The following ATP5MK variants were observed in gnomAD, a reference collection of about 807,000 sequenced individuals.
ATP5MK encodes the protein ATP synthase F(0) complex subunit k, mitochondrial.
Under a neutral mutation model 6.6 loss-of-function variants are expected in ATP5MK, and 5 were observed. The observed-to-expected ratio is 0.76, with a 90% CI of 0.40 to 1.60. The LOEUF (loss-of-function observed/expected upper bound fraction) is 1.60. Among genes scored for constraint, ATP5MK ranks in the 40% most tolerant of loss-of-function variants. The pLI is 0.02. For missense variants in ATP5MK, 57 were observed against 66.6 expected (o/e 0.86, Z 0.50); for synonymous variants, 30 against 24.5 (o/e 1.22, Z -0.66).
intron 4 of ATP5MK, 122 bp from the exon 5 acceptor site, chr10:103,389,288 A>ATG (rs1469504371): frequency 2.0e-5 from 3 of 152,242 alleles, no homozygotes; most frequent in Admixed American, 1.3e-4. Context: ...ATTGTCAAAG[A>ATG]TGTAACACCA....
At chr10:103,390,174 T>C (rs150757196) in intron 4 of ATP5MK, among the ~76,000 whole-genome samples, 77 of 152,298 alleles carry the variant, frequency 5.1e-4, no homozygotes, top group African/African-American at 1.8e-3. Context: ...TAAGGTCAAC[T>C]GTTTTGAGAT....
At position 103,396,007 on chromosome 10, in the gene ATP5MK, A is replaced by C. The variant is rs1354390909; in HGVS notation, c.-271T>G. On this transcript the variant is annotated 5_prime_UTR_variant, in exon 2 of 5. Transcript: ENST00000369815. ...GGAGGCCCGGCTGGCCAGCTTCCTA[A>C]AGCACAGCTCGGTGGGAACAAACAG... 1 of 152,242 alleles carries C rather than the reference A, an allele frequency of 6.6e-6. No homozygotes were observed. The highest frequency in any genetic ancestry group is 2.4e-5 in the African/African-American group (1 of 41,452). The allele number at this position is 152,242 out of a possible 1,614,324, so 9.4% of individuals were successfully genotyped here.
intron 4 of ATP5MK, among the ~76,000 whole-genome samples, chr10:103,390,790 C>T (rs1233704642): frequency 4.3e-5 from 6 of 140,598 alleles, no homozygotes; most frequent in Non-Finnish European, 9.3e-5. Context: ...AACTCCATCT[C>T]AAAAAAAAAA....
At chr10:103,391,064 A>G (rs2133645138) in intron 4 of ATP5MK, among the ~76,000 whole-genome samples, 1 of 152,370 alleles carries the variant, frequency 6.6e-6, no homozygotes, top group South Asian at 2.1e-4. Context: ...GATAAATAAA[A>G]ACATGTATAG....
At chr10:103,394,070 A>G (rs2093422658) in intron 2 of ATP5MK, 2 of 237,146 alleles carry the variant, frequency 8.4e-6, no homozygotes, top group African/African-American at 4.5e-5. Flanking sequence ...TATTTTAATA[A>G]GGCTTCTAGA....
At chr10:103,392,601 C>T (rs1425453355) in intron 2 of ATP5MK, 135 bp from the exon 3 acceptor site, 3 of 630,298 alleles carry the variant, frequency 4.8e-6, no homozygotes, top group Non-Finnish European at 8.0e-6. Context: ...TATATCTCAC[C>T]CAACACAGTA....
chr10:103,394,524 CT>C (rs1824167525), intron 2 of ATP5MK: 1 of 352,936 alleles, frequency 2.8e-6, no homozygotes, highest in African/African-American at 2.1e-5. Context: ...GAAAAATGAC[CT>C]TAATTTTCAA....
chr10:103,393,156 AC>A (rs1452758623), intron 2 of ATP5MK, among the ~76,000 whole-genome samples: 1 of 152,206 alleles, frequency 6.6e-6, no homozygotes, highest in East Asian at 1.9e-4. Context: ...AAAACATAAA[AC>A]CTATTAGTCA....
At position 103,390,229 on chromosome 10, in the gene ATP5MK, T is replaced by G. The variant is rs1240876566; in HGVS notation, c.*4-1063A>C. Among the ~76,000 whole-genome samples the G allele has an allele frequency of 2.0e-5, 3 of 152,028 alleles. No homozygotes were observed. In the East Asian group the frequency reaches 5.9e-4, roughly 30 times the overall value. On this transcript the variant is annotated intron_variant, in intron 4 of 4. Coordinates refer to ENST00000369815, the MANE Select transcript of ATP5MK (RefSeq NM_001206427.2). ...AGAAGAGGCCAGGCACAGTGGCTCA[T>G]GCCTGTAATCCCAGCACTTTGGGAG... is the stretch of plus-strand genomic sequence containing the variant.
intron 2 of ATP5MK, among the ~76,000 whole-genome samples, chr10:103,392,899 AC>A (rs769434416): frequency 1.3e-5 from 2 of 152,212 alleles, no homozygotes; most frequent in African/African-American, 4.8e-5. Context: ...CCCTACTTAT[AC>A]AATTTTTCTT....
intron 4 of ATP5MK, among the ~76,000 whole-genome samples, chr10:103,390,358 G>C (rs2093410673): frequency 6.6e-6 from 1 of 152,100 alleles, no homozygotes; most frequent in African/African-American, 2.4e-5. Flanking sequence ...ACTGGGTGTG[G>C]TGGCATGCAC....
rs751910844 is a variant in ATP5MK, at chr10:103,392,398, G to A, written c.60C>T (p.Asn20=). 6 of 1,607,994 alleles carry A rather than the reference G, an allele frequency of 3.7e-6. No homozygotes were observed. The South Asian group carries it at 5.6e-5, about 15-fold the overall frequency. ...YQFTGIKKYF[N]SYTLTGRMNC... is the part of the protein sequence containing the mutation. Reference sequence around the variant, plus strand: ...TCATTCTACCTGTGAGAGTATAAGAGTTGAAATATTTTTTAATACCAGTGA... The same window carrying A: ...TCATTCTACCTGTGAGAGTATAAGAATTGAAATATTTTTTAATACCAGTGA... The change falls in exon 3 of 5, where the codon AAC becomes AAT. Residue 20 remains asparagine, a synonymous_variant. Coordinates refer to ENST00000369815, the MANE Select transcript of ATP5MK (RefSeq NM_001206427.2).
chr10:103,389,569 C>T lies in ATP5MK; in HGVS notation c.*4-403G>A, dbSNP rs572892552. Reference sequence around the variant, plus strand: ...AACTCCTGACCTCAAGTGATCCACCCGCCTCAGCCTCCCAAAGTACTGGGA... The same window carrying T: ...AACTCCTGACCTCAAGTGATCCACCTGCCTCAGCCTCCCAAAGTACTGGGA... On this transcript the variant is annotated intron_variant, in intron 4 of 4. Transcript: ENST00000369815. Among the ~76,000 whole-genome samples, 9 of 151,842 alleles carry T rather than the reference C, an allele frequency of 5.9e-5. No individual in the cohort carries two copies. In the South Asian group the frequency reaches 8.3e-4, roughly 14 times the overall value.
intron 4 of ATP5MK, among the ~76,000 whole-genome samples, chr10:103,391,427 C>T (rs2093414093): frequency 6.6e-6 from 1 of 152,138 alleles, no homozygotes; most frequent in South Asian, 2.1e-4. Context: ...GACAAAATTA[C>T]AGACGTGATC....
intron 4 of ATP5MK, among the ~76,000 whole-genome samples, chr10:103,390,239 C>T (rs2093410217): frequency 1.3e-5 from 2 of 152,150 alleles, no homozygotes; most frequent in Admixed American, 1.3e-4. Flanking sequence ...TGCCTGTAAT[C>T]CCAGCACTTT....
intron 4 of ATP5MK, among the ~76,000 whole-genome samples, chr10:103,390,403 A>G (rs1300860889): frequency 6.6e-6 from 1 of 151,920 alleles, no homozygotes; most frequent in Non-Finnish European, 1.5e-5. Flanking sequence ...CTGAGGCGGG[A>G]GGGTCACTTG....
At chr10:103,393,985 T>TAA (rs2093422425) in intron 2 of ATP5MK, among the ~76,000 whole-genome samples, 1 of 152,210 alleles carries the variant, frequency 6.6e-6, no homozygotes. Context: ...CCAGCAGCAT[T>TAA]AGCATCACTG....
rs948628363 is a variant in ATP5MK at position 103,395,988 on chromosome 10, C to T, written c.-252G>A. 2 of 152,256 alleles carry T rather than the reference C, an allele frequency of 1.3e-5. No homozygotes were observed. Among genetic ancestry groups the T allele is most frequent in the Non-Finnish European group, 2.9e-5 (2 of 68,072 alleles). 9.4% of individuals were successfully genotyped at this position (152,256 alleles called of 1,614,324 possible). A position where few individuals can be genotyped will look rare whatever the true frequency, so the allele number is the denominator to read the frequency against. ...AGGCTGCAGCGCACCTAAAGGAGGC[C>T]CGGCTGGCCAGCTTCCTAAAGCACA... On this transcript the variant is annotated 5_prime_UTR_variant, in exon 2 of 5. Transcript: ENST00000369815.
At chr10:103,390,518 G>T (rs2093411245) in intron 4 of ATP5MK, among the ~76,000 whole-genome samples, 1 of 151,626 alleles carries the variant, frequency 6.6e-6, no homozygotes, top group South Asian at 2.1e-4. Flanking sequence ...GCTGGGTGTG[G>T]TGGCTCACAC....
Sources: allele counts gnomAD v4.1 joint callset (sites outside exome capture counted in the v4.1 genomes callset), GRCh38; gene constraint gnomAD v4.1.1; transcripts MANE v1.5; gene names NCBI Gene and HGNC (gene_info 2026-07-23, HGNC 2026-07-21).